The following CLECL1 variants were observed in gnomAD, a reference collection of about 807,000 sequenced individuals.
CLECL1 encodes the protein C-type lectin like 1.
chr12:9,718,978 G>A (rs1866272593), downstream of CLECL1, among the ~76,000 whole-genome samples: 1 of 152,094 alleles, frequency 6.6e-6, no homozygotes, highest in Admixed American at 6.6e-5. Flanking sequence ...AGTGTCTTGG[G>A]TTTTTTTGTG....
chr12:9,721,731 T>C (rs968041319), downstream of CLECL1, among the ~76,000 whole-genome samples: 1 of 152,218 alleles, frequency 6.6e-6, no homozygotes, highest in African/African-American at 2.4e-5. Context: ...TGCTTCCTCT[T>C]TCTTGTTCAT....
At chr12:9,716,922 A>C in intron 2 of CLECL1, 1 of 361,788 alleles carries the variant, frequency 2.8e-6, no homozygotes, top group Non-Finnish European at 5.2e-6. Context: ...CCACACCCCC[A>C]CGTCCTTCTG....
At chr12:9,704,244 CAATA>C in the CLECL1 span, 1 of 152,034 alleles carries the variant, frequency 6.6e-6, no homozygotes, top group Non-Finnish European at 1.5e-5. Flanking sequence ...GGAGAACTTC[CAATA>C]AATATTTTCT....
At chr12:9,707,289 T>C in the CLECL1 span, among the ~76,000 whole-genome samples, 1 of 152,184 alleles carries the variant, frequency 6.6e-6, no homozygotes. Flanking sequence ...ATCTCACCAA[T>C]CTAAAAATTA....
At chr12:9,712,712 G>T (rs1866208881), downstream of CLECL1, among the ~76,000 whole-genome samples, 1 of 151,998 alleles carries the variant, frequency 6.6e-6, no homozygotes, top group Non-Finnish European at 1.5e-5. Context: ...ACAAATTAAG[G>T]TAATTTCTCT....
the CLECL1 span, among the ~76,000 whole-genome samples, chr12:9,708,557 T>C: frequency 6.6e-6 from 1 of 152,166 alleles, no homozygotes; most frequent in Admixed American, 6.5e-5. Context: ...AGCCAATTTC[T>C]GCCAATTGAA....
chr12:9,724,813 T>A (rs984194178), intron 3 of CLECL1, among the ~76,000 whole-genome samples: 1 of 152,126 alleles, frequency 6.6e-6, no homozygotes, highest in African/African-American at 2.4e-5. Context: ...ATTGCTTAAA[T>A]CCATAAATTT....
downstream of CLECL1, chr12:9,718,579 G>C: frequency 2.4e-6 from 1 of 422,756 alleles, no homozygotes; most frequent in Non-Finnish European, 4.1e-6. Context: ...AGTCCTAATC[G>C]CCACTATCTC....
At chr12:9,724,172 A>C (rs10743819) in intron 3 of CLECL1, among the ~76,000 whole-genome samples, 82,552 of 147,488 alleles carry the variant, frequency 0.56, 23,951 homozygotes, top group African/African-American at 0.71. Context: ...CAGGGTGACA[A>C]AGCAACTCCA....
At chr12:9,718,639 A>C (rs1866267964), downstream of CLECL1, 1 of 666,824 alleles carries the variant, frequency 1.5e-6, no homozygotes, top group Non-Finnish European at 2.7e-6. Flanking sequence ...TAATTAACTT[A>C]CAGTGAGGCC....
downstream of CLECL1, among the ~76,000 whole-genome samples, chr12:9,721,020 T>G (rs894092591): frequency 2.6e-5 from 4 of 152,232 alleles, no homozygotes; most frequent in Admixed American, 1.3e-4. Flanking sequence ...AGAAGTTAAT[T>G]TGGCTATTTT....
intron 3 of CLECL1, among the ~76,000 whole-genome samples, chr12:9,726,836 C>A (rs1866385958): frequency 6.6e-6 from 1 of 151,846 alleles, no homozygotes; most frequent in Non-Finnish European, 1.5e-5. Flanking sequence ...TAATGTCTCA[C>A]AAAGTTAAGA....
At chr12:9,710,718 A>T in the CLECL1 span, among the ~76,000 whole-genome samples, 1 of 152,188 alleles carries the variant, frequency 6.6e-6, no homozygotes, top group Admixed American at 6.5e-5. Context: ...AGGTGGCTGG[A>T]CATTGAGAGG....
intron 1 of CLECL1, among the ~76,000 whole-genome samples, chr12:9,731,204 T>C (rs1866443209): frequency 6.6e-6 from 1 of 152,242 alleles, no homozygotes; most frequent in African/African-American, 2.4e-5. Flanking sequence ...CATTCCTTTA[T>C]GCTTTACATC....
At position 9,723,956 on chromosome 12, in the gene CLECL1, GGCAA is replaced by G. The variant is rs113523373; in HGVS notation, n.263-1147_263-1144del. On this transcript the variant is annotated intron_variant and non_coding_transcript_variant, in intron 3 of 3. Coordinates refer to ENST00000621400, the Ensembl canonical transcript of CLECL1. ...TGATCCCAACACTATGGGAGGCTGA[GGCAA>G]GCAGATTGCTTGAGGTCAGTTTGAG... Among the ~76,000 whole-genome samples, 1,285 of 152,176 alleles carry G rather than the reference GGCAA, an allele frequency of 8.4e-3. 29 individuals are homozygous for G. The highest frequency in any genetic ancestry group is 0.029 in the African/African-American group (1,194 of 41,520).
downstream of CLECL1, among the ~76,000 whole-genome samples, chr12:9,714,391 C>G (rs1222788137): frequency 6.6e-6 from 1 of 152,164 alleles, no homozygotes; most frequent in Non-Finnish European, 1.5e-5. Context: ...GCTACCTGTC[C>G]ACTGATCAGG....
intron 3 of CLECL1, among the ~76,000 whole-genome samples, chr12:9,725,266 A>G (rs1866364535): frequency 6.6e-6 from 1 of 152,188 alleles, no homozygotes; most frequent in East Asian, 1.9e-4. Context: ...TAAGCATAAA[A>G]GTATAAGGTA....
At chr12:9,719,330 TC>T (rs1375825772), downstream of CLECL1, among the ~76,000 whole-genome samples, 3 of 152,034 alleles carry the variant, frequency 2.0e-5, no homozygotes, top group African/African-American at 7.3e-5. Context: ...ATCGAGACCA[TC>T]CTGGCTAACA....
At chr12:9,727,361 A>G (rs1193154651) in intron 3 of CLECL1, among the ~76,000 whole-genome samples, 2 of 151,810 alleles carry the variant, frequency 1.3e-5, no homozygotes, top group Admixed American at 6.6e-5. Context: ...CTCATTGTAT[A>G]AGCTCATTTG....
Sources: allele counts gnomAD v4.1 joint callset (sites outside exome capture counted in the v4.1 genomes callset), GRCh38; gene constraint gnomAD v4.1.1; transcripts MANE v1.5; gene names NCBI Gene and HGNC (gene_info 2026-07-23, HGNC 2026-07-21).